The following CCND1 variants were observed in gnomAD, a reference collection of about 807,000 sequenced individuals.
CCND1 encodes G1/S-specific cyclin-D1.
In CCND1, 9 loss-of-function variants were observed where a neutral mutation model predicts 26.1. That is an observed-to-expected ratio of 0.35 (90% CI 0.21 to 0.60). The LOEUF (loss-of-function observed/expected upper bound fraction) is 0.60, where lower values mean the gene tolerates loss of function less well. Among genes scored for constraint, CCND1 ranks in the 20% least tolerant of loss-of-function variants. CCND1 has a pLI of 0.79. For missense variants in CCND1, 335 were observed against 392.9 expected (o/e 0.85, Z 1.25); for synonymous variants, 194 against 166.1 (o/e 1.17, Z -1.29).
chr11:69,647,070 T>TGGGGCCC (rs1261850950), intron 3 of CCND1, among the ~76,000 whole-genome samples: 1 of 152,136 alleles, frequency 6.6e-6, no homozygotes, highest in East Asian at 1.9e-4. Context: ...TGCTCCCTCC[T>TGGGGCCC]GGGGCCCGGC....
At chr11:69,647,122 C>T (rs1855792762) in intron 3 of CCND1, among the ~76,000 whole-genome samples, 1 of 152,220 alleles carries the variant, frequency 6.6e-6, no homozygotes, top group East Asian at 1.9e-4. Flanking sequence ...GTGACTGGTG[C>T]TAGGAACCCC....
chr11:69,650,370 G>C (rs1855838800), intron 4 of CCND1, among the ~76,000 whole-genome samples: 1 of 152,248 alleles, frequency 6.6e-6, no homozygotes, highest in Non-Finnish European at 1.5e-5. Flanking sequence ...TGGCGTTCCA[G>C]ATTTCACGGC....
rs909330324 is a variant in CCND1, at chr11:69,654,179, G to C, written c.*2897G>C. 4.3e-6 allele frequency: 3 copies of C among 701,680 alleles called. No individual in the cohort carries two copies. The highest frequency in any genetic ancestry group is 7.8e-6 in the Non-Finnish European group (3 of 384,762). 43.5% of individuals were successfully genotyped at this position (701,680 alleles called of 1,614,324 possible). A position where few individuals can be genotyped will look rare whatever the true frequency, so the allele number is the denominator to read the frequency against. On this transcript the variant is annotated 3_prime_UTR_variant, in exon 5 of 5. Transcript: ENST00000227507. This position sits in a 1 kb window ranked among gnomAD's most constrained non-coding sequence, Gnocchi z 6.3. Reference sequence around the variant, plus strand: ...TTACCTCAACCATCCTGGCTGCGGCGTCTGTCTGAACCACGCGGGGGCCTT... The same window carrying C: ...TTACCTCAACCATCCTGGCTGCGGCCTCTGTCTGAACCACGCGGGGGCCTT...
chr11:69,643,230 G>C lies in CCND1; in HGVS notation c.398G>C (p.Arg133Pro), dbSNP rs866931401. Reference protein sequence around the residue: ...KLCIYTDNSIRPEELLQMELL... With the variant: ...KLCIYTDNSIPPEELLQMELL... The stretch of plus-strand genomic sequence containing the variant: ...TGCATCTACACCGACAACTCCATCC[G>C]GCCCGAGGAGCTGCTGGTAACCACT... Residue 133 changes from arginine to proline, a missense_variant, in exon 2 of 5, where the codon CGG (arginine) becomes CCG (proline). Coordinates refer to ENST00000227507, the MANE Select transcript of CCND1 (RefSeq NM_053056.3). The C allele has an allele frequency of 1.3e-6, 2 of 1,586,214 alleles. No individual in the cohort carries two copies. Among genetic ancestry groups the C allele is most frequent in the Non-Finnish European group, 1.7e-6 (2 of 1,167,302 alleles).
intron 3 of CCND1, among the ~76,000 whole-genome samples, chr11:69,646,330 C>CTGG (rs1369743459): frequency 3.3e-5 from 5 of 152,168 alleles, no homozygotes; most frequent in African/African-American, 1.2e-4. Context: ...GTTGTTACGG[C>CTGG]GCCCAGCAGC....
chr11:69,644,001 G>C lies in CCND1; in HGVS notation c.574+10G>C, dbSNP rs750369077. On this transcript the variant is annotated intron_variant, in intron 3 of 4. Coordinates refer to ENST00000227507, the MANE Select transcript of CCND1 (RefSeq NM_053056.3). The stretch of plus-strand genomic sequence containing the variant: ...GCCCTCTGTGCCACAGGTAGGGCAG[G>C]CCCGGCAGCCCCCGGCCTCCCCTTG... 2.5e-5 allele frequency: 41 copies of C among 1,612,834 alleles called. No individual in the cohort carries two copies. The highest frequency in any genetic ancestry group is 3.5e-5 in the Non-Finnish European group (41 of 1,179,882).
rs779686578 is a variant in CCND1 at position 69,651,243 on chromosome 11, G to T, written c.849G>T (p.Leu283=). 5.7e-6 allele frequency: 9 copies of T among 1,588,598 alleles called. 1 individual carries two copies. The highest frequency in any genetic ancestry group is 7.7e-6 in the Non-Finnish European group (9 of 1,165,296). ...EEEEEEEEVD[L]ACTPTDVRDV... Reference sequence around the variant, plus strand: ...AAGAGGAGGAGGAGGAGGTGGACCTGGCTTGCACACCCACCGACGTGCGGG... The same window carrying T: ...AAGAGGAGGAGGAGGAGGTGGACCTTGCTTGCACACCCACCGACGTGCGGG... Residue 283 remains leucine, a synonymous_variant, in exon 5 of 5, where the codon CTG becomes CTT. Transcript: ENST00000227507.
chr11:69,649,166 A>C (rs1855823818), intron 4 of CCND1, among the ~76,000 whole-genome samples: 1 of 152,184 alleles, frequency 6.6e-6, no homozygotes, highest in East Asian at 1.9e-4. Flanking sequence ...CAGCTCTCTC[A>C]GGAAAATGGC....
intron 2 of CCND1, 127 bp downstream of exon 2, chr11:69,643,373 CCCG>C: frequency 4.2e-6 from 3 of 712,692 alleles, no homozygotes; most frequent in Non-Finnish European, 6.4e-6. Context: ...GGAGGGCGGC[CCCG>C]CCGCCGGGCG....
chr11:69,643,872 T>A lies in CCND1; in HGVS notation c.455T>A (p.Leu152Gln). Residue 152 changes from leucine to glutamine, a missense_variant, in exon 3 of 5, where the codon CTG becomes CAG. Leu to Gln is a moderately radical substitution (Grantham distance 113). Coordinates refer to ENST00000227507, the MANE Select transcript of CCND1 (RefSeq NM_053056.3). Reference sequence around the variant, plus strand: ...CTGGTGAACAAGCTCAAGTGGAACCTGGCCGCAATGACCCCGCACGATTTC... The same window carrying A: ...CTGGTGAACAAGCTCAAGTGGAACCAGGCCGCAATGACCCCGCACGATTTC... ...LLLVNKLKWN[L>Q]AAMTPHDFIE... The A allele has an allele frequency of 6.2e-7, 1 of 1,613,270 alleles. No homozygotes were observed. Among genetic ancestry groups the A allele is most frequent in the Non-Finnish European group, 8.5e-7 (1 of 1,179,734 alleles).
intron 4 of CCND1, among the ~76,000 whole-genome samples, chr11:69,648,894 G>A (rs1186007272): frequency 3.3e-5 from 5 of 152,168 alleles, no homozygotes; most frequent in South Asian, 2.1e-4. Context: ...GACTCCGCAC[G>A]GGTCTCAGCA....
chr11:69,654,248 T>C lies in CCND1; in HGVS notation c.*2966T>C, dbSNP rs937242416. The C allele has an allele frequency of 2.3e-5, 16 of 702,364 alleles. No individual in the cohort carries two copies. The African/African-American group carries it at 2.8e-4, about 12-fold the overall frequency. 43.5% of individuals were successfully genotyped at this position (702,364 alleles called of 1,614,324 possible). On this transcript the variant is annotated 3_prime_UTR_variant, in exon 5 of 5. Coordinates refer to ENST00000227507, the MANE Select transcript of CCND1 (RefSeq NM_053056.3). This position sits in a 1 kb window ranked among gnomAD's most constrained non-coding sequence, Gnocchi z 6.3. ...CGTGATGGGGCAAGGGCACAAGTCC[T>C]GGATGTTGTGTGTATCGAGAGGCCA...
At chr11:69,642,983 G>A (rs964846861) in intron 1 of CCND1, 48 bp from the exon 2 acceptor site, 3 of 1,408,098 alleles carry the variant, frequency 2.1e-6, no homozygotes, top group Non-Finnish European at 1.9e-6. Context: ...GCGTGCGGGG[G>A]GGCGGCGCGA....
rs1270391923 is a variant in CCND1, at chr11:69,653,611, G to A, written c.*2329G>A. 3 of 479,850 alleles carry A rather than the reference G, an allele frequency of 6.3e-6. No individual in the cohort carries two copies. The highest frequency in any genetic ancestry group is 1.1e-5 in the Non-Finnish European group (3 of 271,462). The allele number at this position is 479,850 out of a possible 1,614,324, so 29.7% of individuals were successfully genotyped here. A position where few individuals can be genotyped will look rare whatever the true frequency, so the allele number is the denominator to read the frequency against. On this transcript the variant is annotated 3_prime_UTR_variant, in exon 5 of 5. Coordinates refer to ENST00000227507, the MANE Select transcript of CCND1 (RefSeq NM_053056.3). ...TGGCGGGGGCCGGCCCCGAGGCCGC[G>A]TGCGTGAGAACCGCGCCGGTGTCCC...
chr11:69,651,507 A>G lies in CCND1; in HGVS notation c.*225A>G, dbSNP rs76139292. 2.3e-4 allele frequency: 97 copies of G among 421,858 alleles called. No individual in the cohort carries two copies. Among genetic ancestry groups the G allele is most frequent in the South Asian group, 5.6e-4 (8 of 14,286 alleles). The allele number at this position is 421,858 out of a possible 1,614,324, so 26.1% of individuals were successfully genotyped here. A position where few individuals can be genotyped will look rare whatever the true frequency, so the allele number is the denominator to read the frequency against. ...ACTGTCTTTAAAAGAGAGAGAGAGA[A>G]AAAAAAAATAGTATTTGCATAACCC... On this transcript the variant is annotated 3_prime_UTR_variant, in exon 5 of 5. Coordinates refer to ENST00000227507, the MANE Select transcript of CCND1 (RefSeq NM_053056.3).
In CCND1 at chr11:69,651,265, C is replaced by A. The variant is rs1292246537; in HGVS notation, c.871C>A (p.Arg291=). 6.5e-7 allele frequency: 1 copy of A among 1,548,944 alleles called. No individual in the cohort carries two copies. ...CCTGGCTTGCACACCCACCGACGTG[C>A]GGGACGTGGACATCTGAGGGCGCCA... ...VDLACTPTDV[R]DVDI The change falls in exon 5 of 5, where the codon CGG becomes AGG. Residue 291 remains arginine (R), a synonymous_variant. Transcript: ENST00000227507.
chr11:69,650,324 C>G (rs1453267565), intron 4 of CCND1, among the ~76,000 whole-genome samples: 1 of 152,216 alleles, frequency 6.6e-6, no homozygotes, highest in Non-Finnish European at 1.5e-5. Flanking sequence ...TGGGACTTGC[C>G]CGTGGTGGAG....
chr11:69,647,981 C>G lies in CCND1; in HGVS notation c.575-13C>G. On this transcript the variant is annotated splice_polypyrimidine_tract_variant and intron_variant, in intron 3 of 4. Coordinates refer to ENST00000227507, the MANE Select transcript of CCND1 (RefSeq NM_053056.3). The stretch of plus-strand genomic sequence containing the variant: ...CTGCTCACAGCCTCCTTCCCTCTCT[C>G]CTTCTGCCTCAGATGTGAAGTTCAT... 6.2e-7 allele frequency: 1 copy of G among 1,613,636 alleles called. No homozygotes were observed. The highest frequency in any genetic ancestry group is 8.5e-7 in the Non-Finnish European group (1 of 1,179,946).
chr11:69,643,382 G>C (rs969982220), intron 2 of CCND1, 136 bp downstream of exon 2: 9 of 642,748 alleles, frequency 1.4e-5, no homozygotes, highest in Admixed American at 1.2e-4. Context: ...CCCCGCCGCC[G>C]GGCGTCCCTG....
Sources: gnomAD v4.1 joint callset for allele counts (sites outside exome capture counted in the v4.1 genomes callset) on GRCh38, gnomAD v4.1.1 for gene constraint, Gnocchi (gnomAD v3.1) non-coding constraint, MANE v1.5 for transcripts, NCBI Gene and HGNC (gene_info 2026-07-23, HGNC 2026-07-21) for gene names.